GET3: variants seen among roughly 807,000 people sequenced by gnomAD.
GET3 encodes the protein guided entry of tail-anchored proteins factor 3, ATPase.
In GET3, 15 loss-of-function variants were observed where a neutral mutation model predicts 32.4. That is an observed-to-expected ratio of 0.46 (90% CI 0.31 to 0.71). The LOEUF (loss-of-function observed/expected upper bound fraction) is 0.71. Ranked by LOEUF, GET3 falls within the 30% of genes least tolerant of loss-of-function variation. The probability of loss-of-function intolerance (pLI) is 0.05; values close to 1 mark genes in which losing one functional copy is unlikely to be tolerated. For synonymous variants in GET3, 198 were observed against 185.6 expected, an observed-to-expected ratio of 1.07 and a Z score of -0.54; for missense variants, 333 against 459.0, an observed-to-expected ratio of 0.73 and a Z score of 2.51.
intron 2 of GET3, among the ~76,000 whole-genome samples, chr19:12,741,271 A>G (rs1967663516): frequency 6.6e-6 from 1 of 151,522 alleles, no homozygotes; most frequent in Non-Finnish European, 1.5e-5. Flanking sequence ...CCTGGCTAAC[A>G]GGGTGAAACC....
upstream of GET3, chr19:12,737,453 CT>C (rs1967589928): frequency 7.0e-7 from 1 of 1,424,860 alleles, no homozygotes; most frequent in Middle Eastern, 1.8e-4. Flanking sequence ...AGAATTTCCC[CT>C]GTAGGTTCTT....
At chr19:12,746,937 G>C (rs1967783190) in intron 4 of GET3, among the ~76,000 whole-genome samples, 1 of 151,624 alleles carries the variant, frequency 6.6e-6, no homozygotes, top group Non-Finnish European at 1.5e-5. Flanking sequence ...TTGAACCCAG[G>C]AGGCGGCGGT....
intron 1 of GET3, 63 bp downstream of exon 1, chr19:12,737,729 C>G: frequency 1.3e-6 from 2 of 1,516,936 alleles, no homozygotes; most frequent in Non-Finnish European, 1.7e-6. Flanking sequence ...AAGGGGAGGC[C>G]AAGGACCGGC....
At chr19:12,739,184 T>A (rs1967622908) in intron 2 of GET3, among the ~76,000 whole-genome samples, 2 of 151,734 alleles carry the variant, frequency 1.3e-5, no homozygotes, top group African/African-American at 4.8e-5. Context: ...TTTTTTTTTT[T>A]AGACACTCAA....
At position 12,745,716 on chromosome 19, in the gene GET3, G is replaced by A. The variant is rs748407254; in HGVS notation, c.566G>A (p.Arg189Gln). ...ACCATCGTGGAGCGGGGCCTGGGCC[G>A]GCTTATGCAGATCAAGAACCAGATC... is the stretch of plus-strand genomic sequence containing the variant. Reference protein sequence around the residue: ...FPTIVERGLGRLMQIKNQISP... With the variant: ...FPTIVERGLGQLMQIKNQISP... The change falls in exon 4 of 7, where the codon CGG (arginine) becomes CAG (glutamine). Residue 189 changes from arginine (R) to glutamine (Q), a missense_variant. Transcript: ENST00000357332. The surrounding 1 kb of genome is among the most constrained non-coding windows in gnomAD (Gnocchi z 5.0). 1.9e-6 allele frequency: 3 copies of A among 1,612,432 alleles called. No homozygotes were observed. The highest frequency in any genetic ancestry group is 1.3e-5 in the African/African-American group (1 of 74,924).
At chr19:12,746,899 A>C (rs1012005587) in intron 4 of GET3, among the ~76,000 whole-genome samples, 3 of 151,646 alleles carry the variant, frequency 2.0e-5, no homozygotes, top group African/African-American at 7.3e-5. Flanking sequence ...AATCCCAGCT[A>C]CTCAAGAGGC....
chr19:12,745,788 A>T lies in GET3; in HGVS notation c.609+29A>T. 6.4e-7 allele frequency: 1 copy of T among 1,574,460 alleles called. No individual in the cohort carries two copies. Among genetic ancestry groups the T allele is most frequent in the Non-Finnish European group, 8.6e-7 (1 of 1,162,214 alleles). On this transcript the variant is annotated intron_variant, in intron 4 of 6. Coordinates refer to ENST00000357332, the MANE Select transcript of GET3 (RefSeq NM_004317.4). The surrounding 1 kb of genome is among the most constrained non-coding windows in gnomAD (Gnocchi z 5.0). ...GGCGGCGGGGGCCCCCACCTGCACCATCCAGGCAGCCGGGAGTGGGAGTAG... is the reference window on the plus strand; with the variant it reads ...GGCGGCGGGGGCCCCCACCTGCACCTTCCAGGCAGCCGGGAGTGGGAGTAG...
At chr19:12,741,242 G>C (rs1415025484) in intron 2 of GET3, among the ~76,000 whole-genome samples, 1 of 147,654 alleles carries the variant, frequency 6.8e-6, no homozygotes, top group Non-Finnish European at 1.5e-5. Context: ...GGATCACAAA[G>C]TCAGGAGATT....
At chr19:12,746,376 A>T (rs544461938) in intron 4 of GET3, among the ~76,000 whole-genome samples, 15 of 152,038 alleles carry the variant, frequency 9.9e-5, no homozygotes, top group Non-Finnish European at 2.1e-4. Flanking sequence ...CAAGCAGTAC[A>T]CCCACTTCGA....
At chr19:12,737,754 C>CG in intron 1 of GET3, 88 bp downstream of exon 1, 1 of 1,476,570 alleles carries the variant, frequency 6.8e-7, no homozygotes, top group East Asian at 2.6e-5. Context: ...CCACCACGAC[C>CG]GGGGCATGGG....
rs1007454027 is a variant in GET3 at position 12,747,529 on chromosome 19, C to T, written c.852C>T (p.Asp284=). 1 of 1,613,944 alleles carries T rather than the reference C, an allele frequency of 6.2e-7. No homozygotes were observed. Among genetic ancestry groups the T allele is most frequent in the Non-Finnish European group, 8.5e-7 (1 of 1,180,014 alleles). The change falls in exon 6 of 7, where the codon GAC becomes GAT. Residue 284 remains aspartate, a synonymous_variant. Coordinates refer to ENST00000357332, the MANE Select transcript of GET3 (RefSeq NM_004317.4). The surrounding 1 kb of genome is among the most constrained non-coding windows in gnomAD (Gnocchi z 4.0). ...NIIVNQLVFP[D]PEKPCKMCEA... ...TTGTCAACCAGCTCGTCTTCCCCGA[C>T]CCCGAGAAGCCCTGCAAGATGTGTG...
chr19:12,741,410 C>T (rs540813461), intron 2 of GET3, among the ~76,000 whole-genome samples: 3 of 149,720 alleles, frequency 2.0e-5, no homozygotes, highest in South Asian at 4.2e-4. Flanking sequence ...GAGCCTAGAT[C>T]GCGCCACTGC....
In GET3 at chr19:12,747,307, G is replaced by A; in HGVS notation, c.717+3G>A. 1 of 1,610,094 alleles carries A rather than the reference G, an allele frequency of 6.2e-7. No individual in the cohort carries two copies. The highest frequency in any genetic ancestry group is 1.7e-5 in the Admixed American group (1 of 59,872). On this transcript the variant is annotated splice_donor_region_variant and intron_variant, in intron 5 of 6. Transcript: ENST00000357332. The surrounding 1 kb of genome is among the most constrained non-coding windows in gnomAD (Gnocchi z 4.0). ...TCAGCGAACAGTTCAAGGACCCTGT[G>A]AGTGGTGGTCTGGCTGGCGGTGAGA...
chr19:12,745,597 G>A lies in GET3; in HGVS notation c.459-12G>A, dbSNP rs1336593851. 7 of 1,612,562 alleles carry A rather than the reference G, an allele frequency of 4.3e-6. No homozygotes were observed. The highest frequency in any genetic ancestry group is 1.3e-5 in the African/African-American group (1 of 74,868). On this transcript the variant is annotated splice_polypyrimidine_tract_variant and intron_variant, in intron 3 of 6. Transcript: ENST00000357332. The surrounding 1 kb of genome is among the most constrained non-coding windows in gnomAD (Gnocchi z 5.0). Reference sequence around the variant, plus strand: ...AGCGGACACAGAGGGCCTGACCCCTGTCTCCCCTCAGGCTGGTGAAGGGCA... The same window carrying A: ...AGCGGACACAGAGGGCCTGACCCCTATCTCCCCTCAGGCTGGTGAAGGGCA...
At position 12,748,248 on chromosome 19, in the gene GET3, G is replaced by A; in HGVS notation, c.*144G>A. 1 of 727,632 alleles carries A rather than the reference G, an allele frequency of 1.4e-6. No homozygotes were observed. Among genetic ancestry groups the A allele is most frequent in the Non-Finnish European group, 2.1e-6 (1 of 481,278 alleles). 45.1% of individuals were successfully genotyped at this position (727,632 alleles called of 1,614,324 possible). A position where few individuals can be genotyped will look rare whatever the true frequency, so the allele number is the denominator to read the frequency against. Reference sequence around the variant, plus strand: ...GGCAGGGAGGGGTCCATTCCCCCTGGTGGGGCTGGTGGGGAGCTGTAGTTG... The same window carrying A: ...GGCAGGGAGGGGTCCATTCCCCCTGATGGGGCTGGTGGGGAGCTGTAGTTG... On this transcript the variant is annotated 3_prime_UTR_variant, in exon 7 of 7. Coordinates refer to ENST00000357332, the MANE Select transcript of GET3 (RefSeq NM_004317.4).
rs145287974 is a variant in GET3 at position 12,745,693 on chromosome 19, C to G, written c.543C>G (p.Thr181=). 761 of 1,612,884 alleles carry G rather than the reference C, an allele frequency of 4.7e-4. 2 individuals carry two copies. Among genetic ancestry groups the G allele is most frequent in the Non-Finnish European group, 5.9e-4 (695 of 1,179,976 alleles). The change falls in exon 4 of 7, where the codon ACC becomes ACG. Residue 181 remains threonine, a synonymous_variant. Coordinates refer to ENST00000357332, the MANE Select transcript of GET3 (RefSeq NM_004317.4). This position sits in a 1 kb window ranked among gnomAD's most constrained non-coding sequence, Gnocchi z 5.0. ...CCCTGAGGCTGCTCAACTTCCCCAC[C>G]ATCGTGGAGCGGGGCCTGGGCCGGC... The part of the protein sequence containing the change: ...GHTLRLLNFP[T]IVERGLGRLM...
At chr19:12,742,635 C>T (rs564099795) in intron 2 of GET3, among the ~76,000 whole-genome samples, 3 of 152,122 alleles carry the variant, frequency 2.0e-5, no homozygotes, top group South Asian at 2.1e-4. Context: ...AGGATGGTCT[C>T]GATCTCCTGA....
At chr19:12,739,130 G>T (rs1428355925) in intron 2 of GET3, among the ~76,000 whole-genome samples, 5 of 152,066 alleles carry the variant, frequency 3.3e-5, no homozygotes, top group Admixed American at 2.0e-4. Context: ...CTGGACTCTG[G>T]TGGAGGCAGA....
At position 12,737,737 on chromosome 19, in the gene GET3, G is replaced by A; in HGVS notation, c.161+71G>A. On this transcript the variant is annotated intron_variant, in intron 1 of 6. Coordinates refer to ENST00000357332, the MANE Select transcript of GET3 (RefSeq NM_004317.4). ...CTGGGCGAAGGGGAGGCCAAGGACC[G>A]GCTTTTCCACCACGACCGGGGCATG... 8.6e-6 allele frequency: 13 copies of A among 1,506,812 alleles called. No homozygotes were observed. The South Asian group carries it at 1.5e-4, about 18-fold the overall frequency. The allele number at this position is 1,506,812 out of a possible 1,614,324, so 93.3% of individuals were successfully genotyped here.
Sources: allele counts gnomAD v4.1 joint callset (sites outside exome capture counted in the v4.1 genomes callset), GRCh38; gene constraint gnomAD v4.1.1; non-coding constraint Gnocchi (gnomAD v3.1); transcripts MANE v1.5; gene names NCBI Gene and HGNC (gene_info 2026-07-23, HGNC 2026-07-21).